ADGRG1: variants seen among roughly 807,000 people sequenced by gnomAD.
ADGRG1 encodes 7-transmembrane protein with no EGF-like N-terminal domains-1.
Under a neutral mutation model 73.5 loss-of-function variants are expected in ADGRG1, and 53 were observed. That is an observed-to-expected ratio of 0.72 (90% CI 0.58 to 0.91). The LOEUF (loss-of-function observed/expected upper bound fraction) is 0.91. ADGRG1 is among the 40% of genes least tolerant of loss of function. The probability of loss-of-function intolerance (pLI) is 0.00; values close to 1 mark genes in which losing one functional copy is unlikely to be tolerated. For missense variants in ADGRG1, 795 were observed against 871.8 expected, an observed-to-expected ratio of 0.91 and a Z score of 1.11; for synonymous variants, 394 against 374.4, an observed-to-expected ratio of 1.05 and a Z score of -0.60.
intron 1 of ADGRG1, chr16:57,646,655 A>T: frequency 3.0e-6 from 3 of 985,196 alleles, no homozygotes; most frequent in Non-Finnish European, 3.6e-6. Flanking sequence ...GTTGGGAAGG[A>T]TGTGCATCTC....
intron 1 of ADGRG1, chr16:57,633,406 T>C: frequency 1.0e-6 from 1 of 985,332 alleles, no homozygotes; most frequent in Non-Finnish European, 1.2e-6. Flanking sequence ...AAATGCGGCT[T>C]TGTGGGGATG....
intron 1 of ADGRG1, among the ~76,000 whole-genome samples, chr16:57,638,842 C>A (rs1257873302): frequency 1.3e-5 from 2 of 152,022 alleles, no homozygotes; most frequent in African/African-American, 4.8e-5. Flanking sequence ...GAGGCCGAGG[C>A]GGGCATATCA....
At chr16:57,623,531 C>A (rs1191186594), upstream of ADGRG1, among the ~76,000 whole-genome samples, 5 of 152,246 alleles carry the variant, frequency 3.3e-5, no homozygotes, top group Admixed American at 6.5e-5. Flanking sequence ...CCAAGGCTTG[C>A]ATCCTAAGGC....
chr16:57,643,759 T>C, intron 1 of ADGRG1: 1 of 984,614 alleles, frequency 1.0e-6, no homozygotes, highest in Non-Finnish European at 1.2e-6. Context: ...CTTGGGGAGC[T>C]CTCTGTGGTC....
intron 9 of ADGRG1, chr16:57,657,164 C>T (rs2045935387): frequency 5.5e-6 from 1 of 182,778 alleles, no homozygotes; most frequent in African/African-American, 2.4e-5. Context: ...CTCTGTGGGT[C>T]AGGAAGCCGC....
At position 57,655,993 on chromosome 16, in the gene ADGRG1, G is replaced by A; in HGVS notation, c.1017+1G>A. ...CACTTTCCAGCACCAGCTACAGCCG[G>A]TGAGTGGGGGCCAGCCATCAAGAGA... is the stretch of plus-strand genomic sequence containing the variant. On this transcript the variant is annotated splice_donor_variant, in intron 7 of 13. Coordinates refer to ENST00000562631, the MANE Select transcript of ADGRG1 (RefSeq NM_201525.4). LOFTEE classifies it high-confidence loss of function. 1.2e-6 allele frequency: 2 copies of A among 1,614,058 alleles called. No homozygotes were observed. Among genetic ancestry groups the A allele is most frequent in the Non-Finnish European group, 1.7e-6 (2 of 1,180,032 alleles).
Position 57,644,501 on chromosome 16 carries a change from C to T in ADGRG1, c.-35-5752C>T, listed in dbSNP as rs577087188. On this transcript the variant is annotated intron_variant, in intron 1 of 13. Coordinates refer to ENST00000562631, the MANE Select transcript of ADGRG1 (RefSeq NM_201525.4). The stretch of plus-strand genomic sequence containing the variant: ...ACACCCATGCACACACATATGCACA[C>T]TCATGCATGGGCACACACACTCATC... 5.5e-5 allele frequency among the ~76,000 whole-genome samples: 8 copies of T among 146,282 alleles called. No homozygotes were observed. In the South Asian group the frequency reaches 1.6e-3, roughly 29 times the overall value.
intron 3 of ADGRG1, chr16:57,652,916 G>C (rs377298442): frequency 5.5e-6 from 7 of 1,283,020 alleles, no homozygotes. Flanking sequence ...TCTCTGCTCC[G>C]TGTGTGTAGC....
intron 3 of ADGRG1, chr16:57,652,079 G>A: frequency 9.6e-7 from 1 of 1,043,088 alleles, no homozygotes. Context: ...AAGCTGCACA[G>A]CTAGCCAATG....
intron 4 of ADGRG1, 70 bp downstream of exon 4, chr16:57,653,405 G>C: frequency 1.9e-6 from 3 of 1,595,140 alleles, no homozygotes; most frequent in Non-Finnish European, 2.5e-6. Flanking sequence ...GGCAGGGTGG[G>C]ACCTGGAGTA....
intron 1 of ADGRG1, chr16:57,632,126 G>A (rs1269788096): frequency 3.0e-6 from 3 of 985,360 alleles, no homozygotes; most frequent in African/African-American, 3.5e-5. Flanking sequence ...TGAGGCAGGG[G>A]AGGCTTACCC....
intron 1 of ADGRG1, chr16:57,642,186 G>A (rs775071710): frequency 5.1e-6 from 5 of 985,336 alleles, no homozygotes; most frequent in Non-Finnish European, 6.0e-6. Context: ...AGCTGGCCAC[G>A]GCCAACTTTA....
At chr16:57,629,061 A>G in intron 1 of ADGRG1, 1 of 503,700 alleles carries the variant, frequency 2.0e-6, no homozygotes, top group Non-Finnish European at 2.6e-6. Context: ...TGTGAGTATG[A>G]GTGTGAGTGT....
chr16:57,625,223 C>T (rs2035602926), upstream of ADGRG1, among the ~76,000 whole-genome samples: 1 of 152,222 alleles, frequency 6.6e-6, no homozygotes, highest in Admixed American at 6.5e-5. Context: ...TCCCTCACTG[C>T]TGAGCCCCAA....
In ADGRG1 at chr16:57,657,507, G is replaced by A; in HGVS notation, c.1286+16G>A. The A allele has an allele frequency of 6.3e-7, 1 of 1,584,426 alleles. No individual in the cohort carries two copies. Among genetic ancestry groups the A allele is most frequent in the South Asian group, 1.1e-5 (1 of 90,544 alleles). The stretch of plus-strand genomic sequence containing the variant: ...TCTGCTCCAGGTGAGGCCTGAAAGG[G>A]GTGGGACAGGGGAGGGGACCCTCCA... On this transcript the variant is annotated intron_variant, in intron 10 of 13. Transcript: ENST00000562631.
chr16:57,648,703 T>C, intron 1 of ADGRG1: 1 of 984,714 alleles, frequency 1.0e-6, no homozygotes, highest in South Asian at 4.7e-5. Flanking sequence ...TTGTGGCCGA[T>C]GACTGCCTCT....
At chr16:57,623,381 C>T (rs913119851), upstream of ADGRG1, among the ~76,000 whole-genome samples, 2 of 152,192 alleles carry the variant, frequency 1.3e-5, no homozygotes, top group Non-Finnish European at 1.5e-5. Context: ...GGGCACCTGC[C>T]GAGGCTCCAC....
chr16:57,659,336 G>C (rs1597627183), intron 10 of ADGRG1, 77 bp from the exon 11 acceptor site: 4 of 1,608,204 alleles, frequency 2.5e-6, no homozygotes, highest in South Asian at 1.1e-5. Flanking sequence ...GTCTGGGAAG[G>C]CTTCCTGGAG....
rs368748051 is a variant in ADGRG1, at chr16:57,653,921, G to A, written c.621-65G>A. 72 of 1,609,650 alleles carry A rather than the reference G, an allele frequency of 4.5e-5. 2 individuals carry two copies. In the South Asian group the frequency reaches 7.5e-4, roughly 17 times the overall value. On this transcript the variant is annotated intron_variant, in intron 4 of 13. Transcript: ENST00000562631. Reference sequence around the variant, plus strand: ...CTCTGTCTGAGTCTCTCGTCCTCCTGCCTCAGTCTCCCTGGTGGCCCGGCC... The same window carrying A: ...CTCTGTCTGAGTCTCTCGTCCTCCTACCTCAGTCTCCCTGGTGGCCCGGCC...
Sources: gnomAD v4.1 joint callset for allele counts (sites outside exome capture counted in the v4.1 genomes callset) on GRCh38, gnomAD v4.1.1 for gene constraint, MANE v1.5 for transcripts, NCBI Gene and HGNC (gene_info 2026-07-23, HGNC 2026-07-21) for gene names.